Variants in DCHS2 observed in about 807,000 individuals in gnomAD.
DCHS2 encodes the protein protocadherin-23.
A neutral mutation model predicts 182.4 loss-of-function variants in DCHS2; 142 were observed. That is an observed-to-expected ratio of 0.78 (90% CI 0.68 to 0.89). The LOEUF (loss-of-function observed/expected upper bound fraction) is 0.89. Among genes scored for constraint, DCHS2 ranks in the 40% least tolerant of loss-of-function variants. The probability of loss-of-function intolerance (pLI) is 0.00; values close to 1 mark genes in which losing one functional copy is unlikely to be tolerated. For synonymous variants in DCHS2, 1,740 were observed against 1,663.3 expected (o/e 1.05, Z -1.12); for missense variants, 4,319 against 4,198.6 (o/e 1.03, Z -0.79).
At chr4:154,354,343 G>A (rs1729763682) in intron 3 of DCHS2, among the ~76,000 whole-genome samples, 1 of 152,174 alleles carries the variant, frequency 6.6e-6, no homozygotes, top group Non-Finnish European at 1.5e-5. Flanking sequence ...CTAAATTACA[G>A]TTCTGTACTT....
At chr4:154,409,847 C>T (rs745608064) in intron 1 of DCHS2, among the ~76,000 whole-genome samples, 2 of 152,204 alleles carry the variant, frequency 1.3e-5, no homozygotes, top group African/African-American at 4.8e-5. Flanking sequence ...AACCTATGCT[C>T]TTGCCACCAC....
chr4:154,287,486 T>C (rs1177845775), intron 13 of DCHS2, among the ~76,000 whole-genome samples: 2 of 152,148 alleles, frequency 1.3e-5, no homozygotes, highest in Admixed American at 6.6e-5. Context: ...TATAGTCTTC[T>C]TTAAAAATTT....
intron 2 of DCHS2, chr4:154,374,025 ACT>A: frequency 1.1e-6 from 1 of 939,604 alleles, no homozygotes; most frequent in Non-Finnish European, 1.5e-6. Context: ...AAAAAAAAAA[ACT>A]TGCTTATATA....
intron 1 of DCHS2, among the ~76,000 whole-genome samples, chr4:154,405,176 GGAGGTT>G (rs1732348479): frequency 2.0e-5 from 3 of 152,072 alleles, no homozygotes; most frequent in Non-Finnish European, 2.9e-5. Context: ...CTTGAACCTG[GGAGGTT>G]GAGGTTGCAA....
chr4:154,315,634 A>G (rs1735822834), intron 10 of DCHS2, 114 bp downstream of exon 10: 2 of 1,452,002 alleles, frequency 1.4e-6, no homozygotes, highest in Non-Finnish European at 1.8e-6. Context: ...TACAAATTTG[A>G]GATAACTAGC....
chr4:154,439,892 A>G (rs1259663261), intron 1 of DCHS2, among the ~76,000 whole-genome samples: 1 of 152,226 alleles, frequency 6.6e-6, no homozygotes, highest in African/African-American at 2.4e-5. Context: ...GACAAAATCC[A>G]GGTCCTGCTA....
intron 13 of DCHS2, among the ~76,000 whole-genome samples, chr4:154,274,141 G>A (rs1053300288): frequency 6.6e-6 from 1 of 152,144 alleles, no homozygotes; most frequent in Non-Finnish European, 1.5e-5. Flanking sequence ...TCAGCCTATC[G>A]CTGTCAGCAG....
intron 1 of DCHS2, among the ~76,000 whole-genome samples, chr4:154,401,517 T>C (rs542143838): frequency 1.0e-3 from 156 of 152,378 alleles, no homozygotes; most frequent in Non-Finnish European, 1.5e-3. Flanking sequence ...ATTGGTGTTA[T>C]CAGACTATAT....
At chr4:154,248,620 C>G (rs1490253954) in intron 16 of DCHS2, among the ~76,000 whole-genome samples, 1 of 151,084 alleles carries the variant, frequency 6.6e-6, no homozygotes, top group African/African-American at 2.4e-5. Context: ...TCTTTTCTGC[C>G]TAAACAGACT....
intron 13 of DCHS2, among the ~76,000 whole-genome samples, chr4:154,287,196 A>G (rs1734443137): frequency 6.6e-6 from 1 of 152,220 alleles, no homozygotes; most frequent in Non-Finnish European, 1.5e-5. Context: ...CTGTCTTACA[A>G]GAAATCCTAT....
chr4:154,243,626 T>A (rs1731942639), intron 16 of DCHS2, among the ~76,000 whole-genome samples: 1 of 152,160 alleles, frequency 6.6e-6, no homozygotes, highest in Non-Finnish European at 1.5e-5. Flanking sequence ...TCCTGGGACA[T>A]GAGACTTGCA....
chr4:154,446,630 C>G (rs2110967482), intron 1 of DCHS2, among the ~76,000 whole-genome samples: 1 of 152,190 alleles, frequency 6.6e-6, no homozygotes, highest in South Asian at 2.1e-4. Context: ...AGGGATTGAG[C>G]TGGAACCTGA....
chr4:154,354,886 AC>A (rs1729788335), intron 3 of DCHS2: 2 of 151,608 alleles, frequency 1.3e-5, no homozygotes, highest in African/African-American at 4.9e-5. Context: ...TCACAGAGTG[AC>A]TTTTTTTTTT....
intron 3 of DCHS2, among the ~76,000 whole-genome samples, chr4:154,347,087 C>T (rs947576374): frequency 6.6e-6 from 1 of 151,340 alleles, no homozygotes; most frequent in Non-Finnish European, 1.5e-5. Flanking sequence ...TGCATCAGTA[C>T]TGCACAAACA....
At chr4:154,304,626 C>A (rs746090351) in intron 12 of DCHS2, 43 bp downstream of exon 12, 2 of 1,407,738 alleles carry the variant, frequency 1.4e-6, no homozygotes, top group Admixed American at 1.9e-5. Context: ...GAGACTCTGT[C>A]TTAAAAAAAC....
chr4:154,377,495 T>G (rs1332242697), intron 1 of DCHS2, 51 bp from the exon 2 acceptor site: 13 of 1,452,632 alleles, frequency 8.9e-6, no homozygotes, highest in African/African-American at 1.4e-5. Context: ...AGCATTACTT[T>G]TCAGTCAGTC....
Position 154,333,084 on chromosome 4 carries a change from C to T in DCHS2, c.3124G>A (p.Gly1042Ser). Residue 1042 changes from glycine (G) to serine (S), a missense_variant, in exon 5 of 20, where the codon GGC (glycine) becomes AGC (serine). Physicochemically the swap from Gly to Ser is moderately conservative, Grantham distance 56. Transcript: ENST00000357232. ...GTGAGCTCCCGCTGCTCGCCCGCGC[C>T]CAGGCTGCCGTTGAGGAACAGCACC... Reference protein sequence around the residue: ...LGVLFLNGSLGAGEQRELTLT... With the variant: ...LGVLFLNGSLSAGEQRELTLT... The T allele has an allele frequency of 6.2e-7, 1 of 1,614,064 alleles. No homozygotes were observed.
At chr4:154,246,990 T>C (rs78466593) in intron 16 of DCHS2, among the ~76,000 whole-genome samples, 2,559 of 152,134 alleles carry the variant, frequency 0.017, 31 homozygotes, top group Non-Finnish European at 0.027. Context: ...GGGGAGGAAA[T>C]TTTCAATGAA....
At chr4:154,357,928 C>T (rs1405627343) in intron 3 of DCHS2, among the ~76,000 whole-genome samples, 1 of 152,140 alleles carries the variant, frequency 6.6e-6, no homozygotes, top group African/African-American at 2.4e-5. Context: ...TCAGATTTCT[C>T]AGGTGAGAAT....
Sources: allele counts gnomAD v4.1 joint callset (sites outside exome capture counted in the v4.1 genomes callset), GRCh38; gene constraint gnomAD v4.1.1; transcripts MANE v1.5; gene names NCBI Gene and HGNC (gene_info 2026-07-23, HGNC 2026-07-21).